Variants in NFKBIZ observed in about 807,000 individuals in gnomAD.
NFKBIZ encodes the protein NFKB inhibitor zeta.
In NFKBIZ, 19 loss-of-function variants were observed where a neutral mutation model predicts 76.8. The ratio of observed to expected loss-of-function variants is 0.25; its 90% CI spans 0.17 to 0.36. NFKBIZ has a LOEUF of 0.36. Ranked by LOEUF, NFKBIZ falls within the 10% of genes least tolerant of loss-of-function variation. NFKBIZ has a pLI of 1.00. For synonymous variants in NFKBIZ, 368 were observed against 354.8 expected, an observed-to-expected ratio of 1.04 and a Z score of -0.42; for missense variants, 829 against 910.9, an observed-to-expected ratio of 0.91 and a Z score of 1.16.
In NFKBIZ at chr3:101,857,099, G is replaced by C. The variant is rs768034060; in HGVS notation, c.1851G>C (p.Leu617=). The change falls in exon 10 of 12, where the codon CTG becomes CTC. Residue 617 remains leucine, a synonymous_variant. Coordinates refer to ENST00000326172, the MANE Select transcript of NFKBIZ (RefSeq NM_031419.4). The stretch of plus-strand genomic sequence containing the variant: ...ATCGCAAAAGTGGCCGCACAGCCCT[G>C]CATTTGGCAGCTGAAGAAGCAAATC... The part of the protein sequence containing the change: ...AKDRKSGRTA[L]HLAAEEANLE... 3 of 1,613,210 alleles carry C rather than the reference G, an allele frequency of 1.9e-6. No homozygotes were observed. The East Asian group carries it at 6.7e-5, about 36-fold the overall frequency.
intron 2 of NFKBIZ, among the ~76,000 whole-genome samples, chr3:101,843,220 A>C (rs562287535): frequency 6.6e-6 from 1 of 152,140 alleles, no homozygotes; most frequent in African/African-American, 2.4e-5. Flanking sequence ...GGATCACTTG[A>C]AGCCAGGAGT....
rs551572449 is a variant in NFKBIZ, at chr3:101,851,599, A to G, written c.290-486A>G. Among the ~76,000 whole-genome samples the G allele has an allele frequency of 5.3e-5, 8 of 152,370 alleles. No individual in the cohort carries two copies. In the South Asian group the frequency reaches 1.2e-3, roughly 24 times the overall value. On this transcript the variant is annotated intron_variant, in intron 1 of 11. Coordinates refer to ENST00000326172, the MANE Select transcript of NFKBIZ (RefSeq NM_031419.4). ...GGAATTGATAGACTTTAAAATTTCTATGTGAACATAAAACCATTGGTTTAA... is the reference window on the plus strand; with the variant it reads ...GGAATTGATAGACTTTAAAATTTCTGTGTGAACATAAAACCATTGGTTTAA...
intron 2 of NFKBIZ, among the ~76,000 whole-genome samples, chr3:101,842,275 C>T (rs975364518): frequency 7.9e-5 from 12 of 152,104 alleles, no homozygotes; most frequent in Non-Finnish European, 1.2e-4. Flanking sequence ...ACAGCAAGAG[C>T]AAAGTCTCAG....
intron 2 of NFKBIZ, among the ~76,000 whole-genome samples, chr3:101,842,595 T>C (rs913950087): frequency 6.7e-6 from 1 of 149,810 alleles, no homozygotes; most frequent in African/African-American, 2.4e-5. Flanking sequence ...TTCTTTTCTT[T>C]TTTTTTTTTT....
chr3:101,850,806 T>C (rs1942945117), intron 1 of NFKBIZ, among the ~76,000 whole-genome samples: 1 of 152,258 alleles, frequency 6.6e-6, no homozygotes, highest in Non-Finnish European at 1.5e-5. Context: ...TTTTAAGTCA[T>C]TTAAAATCAT....
At chr3:101,852,055 C>G (rs773957868) in intron 1 of NFKBIZ, 30 bp from the exon 2 acceptor site, 62 of 1,601,462 alleles carry the variant, frequency 3.9e-5, no homozygotes, top group Non-Finnish European at 3.6e-5. Flanking sequence ...GATATTTAAC[C>G]AGGAATATGT....
intron 10 of NFKBIZ, 32 bp from the exon 11 acceptor site, chr3:101,857,260 T>G (rs1560089973): frequency 1.2e-6 from 2 of 1,613,312 alleles, no homozygotes; most frequent in African/African-American, 2.7e-5. Context: ...TCCCCCTTCC[T>G]GATGTCTGAT....
At chr3:101,850,118 G>C (rs923419351) in intron 1 of NFKBIZ, 2 of 467,326 alleles carry the variant, frequency 4.3e-6, no homozygotes, top group Non-Finnish European at 7.0e-6. Context: ...CCGCGGAACC[G>C]GCTCCCTCCC....
rs555868428 is a variant in NFKBIZ, at chr3:101,849,644, C to T, written c.16C>T (p.Leu6=). 12 of 1,384,958 alleles carry T rather than the reference C, an allele frequency of 8.7e-6. No homozygotes were observed. In the East Asian group the frequency reaches 2.9e-4, roughly 33 times the overall value. The allele number at this position is 1,384,958 out of a possible 1,614,324, so 85.8% of individuals were successfully genotyped here. A position where few individuals can be genotyped will look rare whatever the true frequency, so the allele number is the denominator to read the frequency against. ...GCCTGGGAGCATGATTGTGGACAAG[C>T]TGCTGGACGACAGCCGCGGCGGAGA... MIVDK[L]LDDSRGGEGL... Residue 6 remains leucine (L), a synonymous_variant, in exon 1 of 12, where the codon CTG becomes TTG. Transcript: ENST00000326172.
At chr3:101,859,044 T>C (rs1163352416) in intron 11 of NFKBIZ, among the ~76,000 whole-genome samples, 2 of 152,244 alleles carry the variant, frequency 1.3e-5, no homozygotes, top group Non-Finnish European at 2.9e-5. Flanking sequence ...GTTAAGTTTA[T>C]GGAGATTTTC....
At chr3:101,851,970 C>T in intron 1 of NFKBIZ, 115 bp from the exon 2 acceptor site, 1 of 1,273,918 alleles carries the variant, frequency 7.8e-7, no homozygotes, top group Non-Finnish European at 1.1e-6. Context: ...AAAGGTTTTG[C>T]AATGTGCTGC....
At position 101,860,310 on chromosome 3, in the gene NFKBIZ, C is replaced by G. The variant is rs1488603855; in HGVS notation, c.*939C>G. On this transcript the variant is annotated 3_prime_UTR_variant, in exon 12 of 12. Coordinates refer to ENST00000326172, the MANE Select transcript of NFKBIZ (RefSeq NM_031419.4). ...CCTCCTACCTGAGCCTTCTGAGTAA[C>G]TGGAACTACAGGTGTGCACTCCTCG... 3 of 151,812 alleles carry G rather than the reference C, an allele frequency of 2.0e-5. No homozygotes were observed. The highest frequency in any genetic ancestry group is 7.3e-5 in the African/African-American group (3 of 41,280). The allele number at this position is 151,812 out of a possible 1,614,324, so 9.4% of individuals were successfully genotyped here. A position where few individuals can be genotyped will look rare whatever the true frequency, so the allele number is the denominator to read the frequency against.
rs1422624498 is a variant in NFKBIZ, at chr3:101,855,216, G to A, written c.1590+8G>A. 4.4e-6 allele frequency: 7 copies of A among 1,604,330 alleles called. No homozygotes were observed. The highest frequency in any genetic ancestry group is 5.1e-6 in the Non-Finnish European group (6 of 1,175,458). ...CACTCCCAGGTGCTTCAGGTAAGAG[G>A]CAGCAAACCAGGCTTCCATCATTGC... On this transcript the variant is annotated splice_region_variant and intron_variant, in intron 7 of 11. Transcript: ENST00000326172.
chr3:101,857,662 T>C, intron 11 of NFKBIZ: 5 of 985,464 alleles, frequency 5.1e-6, no homozygotes, highest in Non-Finnish European at 4.8e-6. Flanking sequence ...GGATTATCCA[T>C]AGACTCAAAA....
chr3:101,852,356 G>A, intron 2 of NFKBIZ, 132 bp downstream of exon 2: 1 of 1,121,338 alleles, frequency 8.9e-7, no homozygotes, highest in Non-Finnish European at 1.3e-6. Context: ...AAGTCCATAG[G>A]ACAGAGACCA....
chr3:101,854,599 C>T lies in NFKBIZ; in HGVS notation c.1359C>T (p.Ala453=). The T allele has an allele frequency of 6.2e-7, 1 of 1,612,912 alleles. No individual in the cohort carries two copies. The highest frequency in any genetic ancestry group is 8.5e-7 in the Non-Finnish European group (1 of 1,179,436). ...CCAGGTTCCTTCATATTGCTGTTGC[C>T]CAAGGGAGAAGGGCACTTTCCTATG... ...DGDTFLHIAV[A]QGRRALSYVL... Residue 453 remains alanine, a synonymous_variant, in exon 6 of 12, where the codon GCC becomes GCT. Transcript: ENST00000326172.
intron 11 of NFKBIZ, chr3:101,858,331 G>A (rs1327429973): frequency 2.1e-6 from 2 of 966,328 alleles, no homozygotes; most frequent in Admixed American, 1.2e-4. Context: ...AAGTTTTCAT[G>A]TATATCATTT....
At chr3:101,832,703 T>C (rs1453575821) in intron 2 of NFKBIZ, among the ~76,000 whole-genome samples, 4 of 152,356 alleles carry the variant, frequency 2.6e-5, no homozygotes, top group South Asian at 2.1e-4. Flanking sequence ...TACCACACTT[T>C]GTTTATCCAT....
chr3:101,834,297 G>GCCCTT (rs1296337777), intron 2 of NFKBIZ, among the ~76,000 whole-genome samples: 13 of 151,670 alleles, frequency 8.6e-5, no homozygotes, highest in African/African-American at 2.9e-4. Flanking sequence ...GCCCTGCCCT[G>GCCCTT]CCCTTCCCTT....
Sources: gnomAD v4.1 joint callset for allele counts (sites outside exome capture counted in the v4.1 genomes callset) on GRCh38, gnomAD v4.1.1 for gene constraint, MANE v1.5 for transcripts, NCBI Gene and HGNC (gene_info 2026-07-23, HGNC 2026-07-21) for gene names.